C11orf16: variants seen among roughly 807,000 people sequenced by gnomAD.
The protein encoded by C11orf16 is uncharacterized protein C11orf16.
A neutral mutation model predicts 45.1 loss-of-function variants in C11orf16; 38 were observed. The ratio of observed to expected loss-of-function variants is 0.84; its 90% confidence interval spans 0.65 to 1.10. C11orf16 has a LOEUF of 1.10. Among genes scored for constraint, C11orf16 ranks in the 50% least tolerant of loss-of-function variants. The pLI, the probability that C11orf16 is intolerant of heterozygous loss-of-function variation, is 0.00. For missense variants in C11orf16, 583 were observed against 569.5 expected, an observed-to-expected ratio of 1.02 and a Z score of -0.24; for synonymous variants, 221 against 222.0, an observed-to-expected ratio of 1.00 and a Z score of 0.04.
intron 2 of C11orf16, 92 bp downstream of exon 2, chr11:8,932,050 C>G (rs2064652866): frequency 1.5e-6 from 2 of 1,333,810 alleles, no homozygotes; most frequent in African/African-American, 3.0e-5. Flanking sequence ...TCTCAGGAAG[C>G]AAGTCTGTCC....
At position 8,921,447 on chromosome 11, in the gene C11orf16, C is replaced by G. The variant is rs1314834885; in HGVS notation, c.1273G>C (p.Val425Leu). 1.2e-6 allele frequency: 2 copies of G among 1,614,116 alleles called. No homozygotes were observed. The highest frequency in any genetic ancestry group is 2.7e-5 in the African/African-American group (2 of 74,948). Residue 425 changes from valine (V) to leucine (L), a missense_variant, in exon 6 of 7, where the codon GTG (valine) becomes CTG (leucine). By Grantham distance (32) the Val-to-Leu change is conservative. Coordinates refer to ENST00000326053, the MANE Select transcript of C11orf16 (RefSeq NM_020643.3). ...HKQQRAQTAV[V>L]GTTKELVSKA... Reference sequence around the variant, plus strand: ...GAGACCAGCTCCTTGGTAGTCCCCACTACTGCAGTTTGTGCTCTCTGCTGT... The same window carrying G: ...GAGACCAGCTCCTTGGTAGTCCCCAGTACTGCAGTTTGTGCTCTCTGCTGT...
rs570162556 is a variant in C11orf16 at position 8,926,272 on chromosome 11, A to C, written c.560-165T>G. ...TAGCTCACTGCAGCCTCAACCTCCC[A>C]GGCTCAAGCCATCCTCCTGCCTCAG... On this transcript the variant is annotated intron_variant, in intron 4 of 6. Transcript: ENST00000326053. Among the ~76,000 whole-genome samples, 77 of 132,310 alleles carry C rather than the reference A, an allele frequency of 5.8e-4. 2 individuals carry two copies. In the South Asian group the frequency reaches 0.018, roughly 31 times the overall value. 86.8% of individuals were successfully genotyped at this position (132,310 alleles called of 152,430 possible).
intron 3 of C11orf16, 120 bp from the exon 4 acceptor site, chr11:8,927,294 G>T: frequency 2.8e-6 from 2 of 722,880 alleles, no homozygotes; most frequent in Non-Finnish European, 4.6e-6. Flanking sequence ...ACAGTGACAG[G>T]CACCTAAAGA....
intron 4 of C11orf16, 62 bp from the exon 5 acceptor site, chr11:8,926,169 TTTC>T: frequency 7.2e-7 from 1 of 1,381,038 alleles, no homozygotes; most frequent in Non-Finnish European, 9.7e-7. Context: ...TTTTTTCTTT[TTTC>T]TTTTTTTCTT....
chr11:8,925,349 C>A (rs2064601903), intron 5 of C11orf16, 114 bp downstream of exon 5: 2 of 947,882 alleles, frequency 2.1e-6, no homozygotes, highest in Non-Finnish European at 3.2e-6. Flanking sequence ...CCAAGGATTA[C>A]TGCAGTCCCA....
chr11:8,921,721 G>GGCTCAAGTCATCCTCCCACCT (rs2064575954), intron 5 of C11orf16, among the ~76,000 whole-genome samples: 1 of 152,028 alleles, frequency 6.6e-6, no homozygotes, highest in Admixed American at 6.6e-5. Context: ...CAGCCACCCG[G>GGCTCAAGTCATCCTCCCACCT]GCTCAAGTCA....
chr11:8,924,162 T>G (rs2064592986), intron 5 of C11orf16, among the ~76,000 whole-genome samples: 1 of 152,070 alleles, frequency 6.6e-6, no homozygotes, highest in South Asian at 2.1e-4. Flanking sequence ...GGAAAGCTTC[T>G]CATTACAAAC....
chr11:8,925,645 G>A lies in C11orf16; in HGVS notation c.1022C>T (p.Ser341Phe), dbSNP rs750207255. 1.2e-6 allele frequency: 2 copies of A among 1,614,006 alleles called. No homozygotes were observed. The highest frequency in any genetic ancestry group is 1.1e-5 in the South Asian group (1 of 91,066). The change falls in exon 5 of 7, where the codon TCC (serine) becomes TTC (phenylalanine). Residue 341 changes from serine to phenylalanine, a missense_variant. Physicochemically the swap from Ser to Phe is radical, Grantham distance 155. Transcript: ENST00000326053. ...PLAVSSSSSSSCEQDGVENDL... is the reference protein window; with the variant it reads ...PLAVSSSSSSFCEQDGVENDL... ...ATTCTCCACACCGTCTTGTTCACAG[G>A]AGGAGGATGAGGAGGAAGAAACAGC...
At chr11:8,925,039 A>C (rs1024926888) in intron 5 of C11orf16, among the ~76,000 whole-genome samples, 1 of 152,186 alleles carries the variant, frequency 6.6e-6, no homozygotes, top group Non-Finnish European at 1.5e-5. Context: ...CCTCACGACC[A>C]ATGCTCAAGA....
At chr11:8,923,902 G>A (rs2064591395) in intron 5 of C11orf16, among the ~76,000 whole-genome samples, 1 of 127,174 alleles carries the variant, frequency 7.9e-6, no homozygotes, top group Non-Finnish European at 1.5e-5. Context: ...ACTGTGCCCA[G>A]CGAAATCGCC....
rs2064571471 is a variant in C11orf16, at chr11:8,921,373, T to C, written c.1347A>G (p.Glu449=). 1 of 1,614,112 alleles carries C rather than the reference T, an allele frequency of 6.2e-7. No homozygotes were observed. Among genetic ancestry groups the C allele is most frequent in the Admixed American group, 1.7e-5 (1 of 60,010 alleles). The part of the protein sequence containing the change: ...KPPRTPPGEA[E]HRKRSQSLAI... Reference sequence around the variant, plus strand: ...CAAGGCTCTGACTCCGCTTTCTGTGTTCAGCTTCCCCTGGCGGGGTCCGCG... The same window carrying C: ...CAAGGCTCTGACTCCGCTTTCTGTGCTCAGCTTCCCCTGGCGGGGTCCGCG... Residue 449 remains glutamate (E), a synonymous_variant, in exon 6 of 7, where the codon GAA becomes GAG. Transcript: ENST00000326053.
chr11:8,924,119 C>G (rs1272860080), intron 5 of C11orf16, among the ~76,000 whole-genome samples: 2 of 152,174 alleles, frequency 1.3e-5, no homozygotes, highest in Admixed American at 6.5e-5. Context: ...CTCCCCACCC[C>G]TCCCAAAGCC....
intron 4 of C11orf16, 89 bp from the exon 5 acceptor site, chr11:8,926,196 T>C (rs1589933602): frequency 7.9e-7 from 1 of 1,270,246 alleles, no homozygotes; most frequent in Non-Finnish European, 1.0e-6. Flanking sequence ...TTTTTTTTTT[T>C]TTTTTTTTGA....
Position 8,926,000 on chromosome 11 carries a change from C to A in C11orf16, c.667G>T (p.Glu223Ter). Reference sequence around the variant, plus strand: ...CTGGTGAAAGACTTGTGCAGCCTCTCCACAGCCTTCTTCCAGATGGTCAGG... The same window carrying A: ...CTGGTGAAAGACTTGTGCAGCCTCTACACAGCCTTCTTCCAGATGGTCAGG... Reference protein sequence around the residue: ...VSLTIWKKAVERLHKSFTREH... With the variant: ...VSLTIWKKAV The change falls in exon 5 of 7, where the codon GAG becomes TAG. Residue 223 changes from glutamate (E) to a stop codon, truncating the protein, a stop_gained. Transcript: ENST00000326053. LOFTEE classifies it high-confidence loss of function. The A allele has an allele frequency of 6.2e-7, 1 of 1,614,130 alleles. No homozygotes were observed. Among genetic ancestry groups the A allele is most frequent in the Non-Finnish European group, 8.5e-7 (1 of 1,180,024 alleles).
At chr11:8,922,008 T>C (rs2064578681) in intron 5 of C11orf16, among the ~76,000 whole-genome samples, 1 of 152,226 alleles carries the variant, frequency 6.6e-6, no homozygotes, top group Admixed American at 6.5e-5. Context: ...AAAATTGTTA[T>C]CATTTCTGGA....
chr11:8,927,485 G>C (rs2064622468), intron 3 of C11orf16: 2 of 430,740 alleles, frequency 4.6e-6, no homozygotes, highest in Non-Finnish European at 8.9e-6. Context: ...TTTTTGACCT[G>C]CAATTGCCAG....
At chr11:8,928,534 T>A (rs1365834370) in intron 3 of C11orf16, among the ~76,000 whole-genome samples, 1 of 152,194 alleles carries the variant, frequency 6.6e-6, no homozygotes, top group African/African-American at 2.4e-5. Flanking sequence ...TTGAATTGTG[T>A]CCCGTTACCC....
intron 2 of C11orf16, among the ~76,000 whole-genome samples, chr11:8,931,790 T>A (rs1476681676): frequency 3.3e-5 from 5 of 152,162 alleles, no homozygotes; most frequent in Admixed American, 3.3e-4. Context: ...CCTTCCAAAG[T>A]GCTGGGATTG....
intron 1 of C11orf16, 144 bp from the exon 2 acceptor site, chr11:8,932,470 AC>A (rs2064656449): frequency 1.7e-6 from 1 of 586,438 alleles, no homozygotes; most frequent in Non-Finnish European, 2.7e-6. Flanking sequence ...ACAAACTCTC[AC>A]AGTTTCCTCT....
Sources: gnomAD v4.1 joint callset for allele counts (sites outside exome capture counted in the v4.1 genomes callset) on GRCh38, gnomAD v4.1.1 for gene constraint, MANE v1.5 for transcripts, NCBI Gene and HGNC (gene_info 2026-07-23, HGNC 2026-07-21) for gene names.